The following NDUFA7 variants were observed in gnomAD, a reference collection of about 807,000 sequenced individuals.
NDUFA7 encodes NADH dehydrogenase [ubiquinone] 1 alpha subcomplex subunit 7.
In NDUFA7, 18 loss-of-function variants were observed where a neutral mutation model predicts 14.2. That is an observed-to-expected ratio of 1.27 (90% CI 0.88 to 1.88). NDUFA7 has a LOEUF of 1.88. NDUFA7 is among the 40% of genes most tolerant of loss of function. The pLI, the probability that NDUFA7 is intolerant of heterozygous loss-of-function variation, is 0.00. For missense variants in NDUFA7, 172 were observed against 147.3 expected (o/e 1.17, Z -0.87); for synonymous variants, 75 against 62.1 (o/e 1.21, Z -0.98).
At chr19:8,315,241 C>A (rs1176223764) in intron 3 of NDUFA7, among the ~76,000 whole-genome samples, 1 of 152,142 alleles carries the variant, frequency 6.6e-6, no homozygotes, top group Non-Finnish European at 1.5e-5. Flanking sequence ...AAGGAAAGAC[C>A]TGACCGTCCC....
chr19:8,320,778 G>T (rs1427969928), intron 2 of NDUFA7, 79 bp downstream of exon 2: 1 of 1,545,412 alleles, frequency 6.5e-7, no homozygotes, highest in Non-Finnish European at 8.9e-7. Context: ...CCGTTTCAGG[G>T]GTCTAAAGGA....
At chr19:8,318,182 G>A (rs1348472547) in intron 2 of NDUFA7, among the ~76,000 whole-genome samples, 4 of 151,626 alleles carry the variant, frequency 2.6e-5, no homozygotes, top group South Asian at 2.1e-4. Context: ...ATGGAGTCTC[G>A]CTCTGTCGCC....
rs2145398615 is a variant in NDUFA7 at position 8,318,795 on chromosome 19, A to G, written c.101+2062T>C. On this transcript the variant is annotated intron_variant, in intron 2 of 3. Coordinates refer to ENST00000301457, the MANE Select transcript of NDUFA7 (RefSeq NM_005001.5). The stretch of plus-strand genomic sequence containing the variant: ...AGACCATCCTGGCAAACATGGTGAA[A>G]CCCCGTCACTACTAAAAATACAAAA... 2.0e-5 allele frequency among the ~76,000 whole-genome samples: 3 copies of G among 151,210 alleles called. No homozygotes were observed. In the South Asian group the frequency reaches 6.3e-4, roughly 32 times the overall value.
downstream of NDUFA7, among the ~76,000 whole-genome samples, chr19:8,309,571 C>T (rs1275498710): frequency 6.6e-6 from 1 of 152,142 alleles, no homozygotes; most frequent in Non-Finnish European, 1.5e-5. Context: ...TCTGCACACC[C>T]TGCCTAGTCT....
chr19:8,308,650 T>A, downstream of NDUFA7: 1 of 303,180 alleles, frequency 3.3e-6, no homozygotes, highest in Non-Finnish European at 6.1e-6. Flanking sequence ...GCACTCCGCA[T>A]TTCCTCCCTC....
At chr19:8,317,968 T>G (rs1445120575) in intron 2 of NDUFA7, among the ~76,000 whole-genome samples, 2 of 150,526 alleles carry the variant, frequency 1.3e-5, no homozygotes, top group African/African-American at 4.9e-5. Flanking sequence ...CCACCACTCC[T>G]GGCCTTTTTC....
chr19:8,317,721 A>G (rs1052419925), intron 2 of NDUFA7, among the ~76,000 whole-genome samples: 2 of 152,130 alleles, frequency 1.3e-5, no homozygotes, highest in African/African-American at 2.4e-5. Flanking sequence ...TGATCGCTTG[A>G]GGTGTGATCA....
At chr19:8,319,184 T>C (rs1241141626) in intron 2 of NDUFA7, 1 of 152,122 alleles carries the variant, frequency 6.6e-6, no homozygotes, top group Non-Finnish European at 1.5e-5. Context: ...AGTGATAGGT[T>C]GATCTTTGAT....
intron 3 of NDUFA7, among the ~76,000 whole-genome samples, chr19:8,315,682 G>A (rs556173820): frequency 1.1e-4 from 17 of 152,128 alleles, no homozygotes; most frequent in South Asian, 2.1e-4. Flanking sequence ...TGGATCCTCC[G>A]TATGCTGAGC....
At chr19:8,320,171 AT>A (rs1435068470) in intron 2 of NDUFA7, among the ~76,000 whole-genome samples, 1 of 152,162 alleles carries the variant, frequency 6.6e-6, no homozygotes, top group African/African-American at 2.4e-5. Context: ...TTTTTCAATA[AT>A]TATTCTTTGA....
downstream of NDUFA7, among the ~76,000 whole-genome samples, chr19:8,310,268 A>G (rs1970161843): frequency 1.3e-5 from 2 of 152,006 alleles, no homozygotes; most frequent in African/African-American, 4.8e-5. Context: ...CGTCTCTACT[A>G]AAAATACAAA....
At chr19:8,315,310 G>A (rs1009530634) in intron 3 of NDUFA7, among the ~76,000 whole-genome samples, 4 of 152,104 alleles carry the variant, frequency 2.6e-5, no homozygotes, top group Non-Finnish European at 5.9e-5. Flanking sequence ...AGGAAGGAAT[G>A]CCCTGTTGCA....
chr19:8,319,996 C>A (rs1760613240), intron 2 of NDUFA7, among the ~76,000 whole-genome samples: 1 of 152,098 alleles, frequency 6.6e-6, no homozygotes, highest in African/African-American at 2.4e-5. Context: ...CCCGCGCGCG[C>A]CACCACGCCC....
At position 8,320,883 on chromosome 19, in the gene NDUFA7, C is replaced by T. The variant is rs768913889; in HGVS notation, c.75G>A (p.Gln25=). The change falls in exon 2 of 4, where the codon CAG becomes CAA. Residue 25 remains glutamine, a synonymous_variant. Coordinates refer to ENST00000301457, the MANE Select transcript of NDUFA7 (RefSeq NM_005001.5). ...GCTTGGAGATCTCCTGGTAGCGTAGCTGCAGCTTCCCCTGCAGGTCATGCT... is the reference window on the plus strand; with the variant it reads ...GCTTGGAGATCTCCTGGTAGCGTAGTTGCAGCTTCCCCTGCAGGTCATGCT... ...ASGHDLQGKL[Q]LRYQEISKRT... 2 of 1,613,654 alleles carry T rather than the reference C, an allele frequency of 1.2e-6. No individual in the cohort carries two copies. The highest frequency in any genetic ancestry group is 1.7e-5 in the Admixed American group (1 of 59,998).
chr19:8,310,793 G>C (rs897145975), downstream of NDUFA7: 1 of 151,850 alleles, frequency 6.6e-6, no homozygotes, highest in Non-Finnish European at 1.5e-5. Flanking sequence ...AACACTTTGG[G>C]AGGCCAAGGC....
At chr19:8,309,762 A>T (rs1970152752), downstream of NDUFA7, among the ~76,000 whole-genome samples, 1 of 152,090 alleles carries the variant, frequency 6.6e-6, no homozygotes. Flanking sequence ...CTTGGTCCAC[A>T]GCTGATCTTT....
intron 2 of NDUFA7, 89 bp downstream of exon 2, chr19:8,320,768 C>T (rs2288414): frequency 6.7e-7 from 1 of 1,502,878 alleles, no homozygotes; most frequent in Non-Finnish European, 9.2e-7. Flanking sequence ...TGTCAGCCCT[C>T]CGTTTCAGGG....
intron 3 of NDUFA7, among the ~76,000 whole-genome samples, chr19:8,315,728 C>T (rs1414179774): frequency 6.6e-6 from 1 of 152,146 alleles, no homozygotes; most frequent in Non-Finnish European, 1.5e-5. Context: ...TTTCTCTATA[C>T]TTTGTCTGTG....
At chr19:8,312,284 T>G (rs1970187547) in intron 3 of NDUFA7, among the ~76,000 whole-genome samples, 2 of 151,692 alleles carry the variant, frequency 1.3e-5, no homozygotes, top group African/African-American at 4.8e-5. Flanking sequence ...GAGGGTGGGG[T>G]GATGGAGGAG....
Sources: gnomAD v4.1 joint callset for allele counts (sites outside exome capture counted in the v4.1 genomes callset) on GRCh38, gnomAD v4.1.1 for gene constraint, MANE v1.5 for transcripts, NCBI Gene and HGNC (gene_info 2026-07-23, HGNC 2026-07-21) for gene names.